Variants in MRPS16 observed in about 807,000 individuals in gnomAD.
The protein encoded by MRPS16 is mitochondrial ribosomal protein S16.
In MRPS16, 5 loss-of-function variants were observed where a neutral mutation model predicts 11.0. The observed-to-expected ratio is 0.46, with a 90% confidence interval of 0.24 to 0.96. The LOEUF (loss-of-function observed/expected upper bound fraction) is 0.96, where lower values mean the gene tolerates loss of function less well. Among genes scored for constraint, MRPS16 ranks in the 40% least tolerant of loss-of-function variants. The pLI is 0.20. For missense variants in MRPS16, 179 were observed against 174.4 expected (o/e 1.03, Z -0.15); for synonymous variants, 76 against 65.0 (o/e 1.17, Z -0.81).
At chr10:73,252,131 T>G in intron 1 of MRPS16, 108 bp from the exon 2 acceptor site, 1 of 1,459,964 alleles carries the variant, frequency 6.8e-7, no homozygotes, top group Non-Finnish European at 9.4e-7. Context: ...TCCAATCCAT[T>G]CCTGTCAATC....
chr10:73,249,394 A>AG lies in MRPS16; in HGVS notation c.*1457_*1458insC. Reference sequence around the variant, plus strand: ...GTTATTCAAATACATTCAAACTATAAAGATCCCTTATAGATTACTGGCATC... The same window carrying AG: ...GTTATTCAAATACATTCAAACTATAAGAGATCCCTTATAGATTACTGGCATC... On this transcript the variant is annotated 3_prime_UTR_variant, in exon 3 of 3. Coordinates refer to ENST00000372945, the MANE Select transcript of MRPS16 (RefSeq NM_016065.4). 8 of 1,403,122 alleles carry AG rather than the reference A, an allele frequency of 5.7e-6. No homozygotes were observed. The highest frequency in any genetic ancestry group is 1.3e-5 in the South Asian group (1 of 78,512). 86.9% of individuals were successfully genotyped at this position (1,403,122 alleles called of 1,614,324 possible).
At chr10:73,252,272 T>C in intron 1 of MRPS16, 198 bp downstream of exon 1, 3 of 1,061,548 alleles carry the variant, frequency 2.8e-6, no homozygotes, top group Non-Finnish European at 4.1e-6. Context: ...GTCGGAGCCT[T>C]AGCTGCTTCA....
At chr10:73,251,114 C>T (rs2044085742) in intron 2 of MRPS16, 123 bp from the exon 3 acceptor site, 2 of 1,152,444 alleles carry the variant, frequency 1.7e-6, no homozygotes, top group African/African-American at 1.5e-5. Flanking sequence ...CCATGCTCCT[C>T]ACTTGCCAAA....
Position 73,248,883 on chromosome 10 carries a change from A to AT in MRPS16, c.*1968dup. The AT allele has an allele frequency of 2.7e-6, 1 of 375,714 alleles. No homozygotes were observed. Among genetic ancestry groups the AT allele is most frequent in the South Asian group, 2.1e-5 (1 of 46,950 alleles). 23.3% of individuals were successfully genotyped at this position (375,714 alleles called of 1,614,324 possible). A position where few individuals can be genotyped will look rare whatever the true frequency, so the allele number is the denominator to read the frequency against. ...GAAATATCCTTTTATTGCAACTCAA[A>AT]TTTTCAAAAACCAGAAAATCAAATT... is the stretch of plus-strand genomic sequence containing the variant. On this transcript the variant is annotated 3_prime_UTR_variant, in exon 3 of 3. Coordinates refer to ENST00000372945, the MANE Select transcript of MRPS16 (RefSeq NM_016065.4).
Position 73,252,583 on chromosome 10 carries a change from G to C in MRPS16, c.-101C>G. ...GAACAAACACAGAAAGAACCTGCAA[G>C]CCGACACCAGGCCGCACCGCCAAGC... On this transcript the variant is annotated 5_prime_UTR_variant, in exon 1 of 3. Coordinates refer to ENST00000372945, the MANE Select transcript of MRPS16 (RefSeq NM_016065.4). 6.6e-7 allele frequency: 1 copy of C among 1,512,630 alleles called. No homozygotes were observed. Among genetic ancestry groups the C allele is most frequent in the Non-Finnish European group, 8.9e-7 (1 of 1,120,290 alleles). 93.7% of individuals were successfully genotyped at this position (1,512,630 alleles called of 1,614,324 possible). A position where few individuals can be genotyped will look rare whatever the true frequency, so the allele number is the denominator to read the frequency against.
At position 73,249,934 on chromosome 10, in the gene MRPS16, C is replaced by CGT. The variant is rs1417293864; in HGVS notation, c.*917_*918insAC. The CGT allele has an allele frequency of 4.0e-4, 60 of 150,592 alleles. No individual in the cohort carries two copies. Among genetic ancestry groups the CGT allele is most frequent in the Non-Finnish European group, 6.6e-4 (44 of 67,076 alleles). The allele number at this position is 150,592 out of a possible 1,614,324, so 9.3% of individuals were successfully genotyped here. A position where few individuals can be genotyped will look rare whatever the true frequency, so the allele number is the denominator to read the frequency against. Reference sequence around the variant, plus strand: ...CTAAAAATACAAAAATTTGCCCGGGCGGTGGCTCACGCCTATAATCCCAGC... The same window carrying CGT: ...CTAAAAATACAAAAATTTGCCCGGGCGTGGTGGCTCACGCCTATAATCCCAGC... On this transcript the variant is annotated 3_prime_UTR_variant, in exon 3 of 3. Transcript: ENST00000372945.
At chr10:73,251,406 C>T (rs2044093236) in intron 2 of MRPS16, among the ~76,000 whole-genome samples, 2 of 151,914 alleles carry the variant, frequency 1.3e-5, no homozygotes, top group African/African-American at 2.4e-5. Flanking sequence ...GATGGAATCG[C>T]CCTCTGTTGC....
intron 2 of MRPS16, 152 bp from the exon 3 acceptor site, chr10:73,251,143 C>T (rs543977804): frequency 6.8e-6 from 6 of 876,432 alleles, no homozygotes; most frequent in Middle Eastern, 2.2e-4. Flanking sequence ...TACTTCTCCC[C>T]GGCAAGGAGA....
rs1255436891 is a variant in MRPS16, at chr10:73,249,084, A to G, written c.*1768T>C. On this transcript the variant is annotated 3_prime_UTR_variant, in exon 3 of 3. Coordinates refer to ENST00000372945, the MANE Select transcript of MRPS16 (RefSeq NM_016065.4). ...TGGGTGAGCAACACCACAGCCAGCT[A>G]ATTTTTTAAGTTTTTGTAGAGACGG... The G allele has an allele frequency of 1.7e-6, 1 of 601,626 alleles. No individual in the cohort carries two copies. The highest frequency in any genetic ancestry group is 3.0e-6 in the Non-Finnish European group (1 of 328,696). 37.3% of individuals were successfully genotyped at this position (601,626 alleles called of 1,614,324 possible).
chr10:73,252,425 G>C, intron 1 of MRPS16, 45 bp downstream of exon 1: 3 of 1,608,554 alleles, frequency 1.9e-6, no homozygotes, highest in Non-Finnish European at 2.5e-6. Flanking sequence ...GAACTCCCGA[G>C]CCCCGTGACC....
In MRPS16 at chr10:73,249,440, C is replaced by T; in HGVS notation, c.*1412G>A. On this transcript the variant is annotated 3_prime_UTR_variant, in exon 3 of 3. Transcript: ENST00000372945. ...GCATCAAGGTAGGAAGGAAAAGATA[C>T]AAGAAGTAAAATGCAACACTCATTA... 1.0e-6 allele frequency: 1 copy of T among 1,003,686 alleles called. No individual in the cohort carries two copies. The highest frequency in any genetic ancestry group is 2.7e-5 in the East Asian group (1 of 37,554). The allele number at this position is 1,003,686 out of a possible 1,614,324, so 62.2% of individuals were successfully genotyped here. A position where few individuals can be genotyped will look rare whatever the true frequency, so the allele number is the denominator to read the frequency against.
At chr10:73,252,441 G>A (rs1178811567) in intron 1 of MRPS16, 29 bp downstream of exon 1, 1 of 1,609,200 alleles carries the variant, frequency 6.2e-7, no homozygotes, top group Admixed American at 1.7e-5. Context: ...TGACCGCCCG[G>A]AACGTCTCGC....
rs1015727218 is a variant in MRPS16 at position 73,249,027 on chromosome 10, T to C, written c.*1825A>G. The C allele has an allele frequency of 1.7e-6, 1 of 593,492 alleles. No homozygotes were observed. The highest frequency in any genetic ancestry group is 3.2e-6 in the Non-Finnish European group (1 of 312,394). 36.8% of individuals were successfully genotyped at this position (593,492 alleles called of 1,614,324 possible). On this transcript the variant is annotated 3_prime_UTR_variant, in exon 3 of 3. Coordinates refer to ENST00000372945, the MANE Select transcript of MRPS16 (RefSeq NM_016065.4). ...TCGGCCTCCTGGGCTCAAGTGATCT[T>C]ACTGCCTCAGCTTCCCGAGTAGCTG...
At position 73,248,884 on chromosome 10, in the gene MRPS16, T is replaced by C. The variant is rs1362296402; in HGVS notation, c.*1968A>G. 2.7e-6 allele frequency: 1 copy of C among 376,296 alleles called. No individual in the cohort carries two copies. Among genetic ancestry groups the C allele is most frequent in the African/African-American group, 2.1e-5 (1 of 47,048 alleles). The allele number at this position is 376,296 out of a possible 1,614,324, so 23.3% of individuals were successfully genotyped here. Reference sequence around the variant, plus strand: ...AAATATCCTTTTATTGCAACTCAAATTTTCAAAAACCAGAAAATCAAATTA... The same window carrying C: ...AAATATCCTTTTATTGCAACTCAAACTTTCAAAAACCAGAAAATCAAATTA... On this transcript the variant is annotated 3_prime_UTR_variant, in exon 3 of 3. Coordinates refer to ENST00000372945, the MANE Select transcript of MRPS16 (RefSeq NM_016065.4).
At chr10:73,252,246 T>A in intron 1 of MRPS16, 2 of 1,005,018 alleles carry the variant, frequency 2.0e-6, no homozygotes. Context: ...TGCCATTCAC[T>A]AGGCTCTGTG....
In MRPS16 at chr10:73,251,997, CA is replaced by C. The variant is rs770012862; in HGVS notation, c.39del (p.Gly15AlafsTer3). The C allele has an allele frequency of 1.2e-6, 2 of 1,613,942 alleles. No homozygotes were observed. The highest frequency in any genetic ancestry group is 2.7e-5 in the African/African-American group (2 of 74,926). ...GCAAGGCGGATGGTTAAGTGGCCCC[CA>C]CGGTAGGCCTTGCAGAGGAGAGTAG... ...HLTTLLCKAY[R>X]GGHLTIRLAL... On this transcript the variant is annotated frameshift_variant, in exon 2 of 3. Transcript: ENST00000372945. LOFTEE classifies it high-confidence loss of function.
Position 73,252,026 on chromosome 10 carries a change from G to A in MRPS16, c.14-3C>T, listed in dbSNP as rs201540616. ...GTAGGCCTTGCAGAGGAGAGTAGCT[G>A]TAGAAAAGCAGCTGGTTAGGACACA... On this transcript the variant is annotated splice_region_variant and splice_polypyrimidine_tract_variant and intron_variant, in intron 1 of 2. Transcript: ENST00000372945. 734 of 1,612,736 alleles carry A rather than the reference G, an allele frequency of 4.6e-4. 10 individuals carry two copies. The South Asian group carries it at 7.0e-3, about 15-fold the overall frequency.
chr10:73,248,851 GCA>G lies in MRPS16; in HGVS notation c.*1999_*2000del. 3.1e-6 allele frequency: 1 copy of G among 317,960 alleles called. No individual in the cohort carries two copies. The highest frequency in any genetic ancestry group is 2.8e-5 in the South Asian group (1 of 35,732). 19.7% of individuals were successfully genotyped at this position (317,960 alleles called of 1,614,324 possible). A position where few individuals can be genotyped will look rare whatever the true frequency, so the allele number is the denominator to read the frequency against. The stretch of plus-strand genomic sequence containing the variant: ...ACATTTGCTACGGAAAATTGAAATC[GCA>G]CACTGAAATATCCTTTTATTGCAAC... On this transcript the variant is annotated 3_prime_UTR_variant, in exon 3 of 3. Coordinates refer to ENST00000372945, the MANE Select transcript of MRPS16 (RefSeq NM_016065.4).
chr10:73,251,302 G>C (rs2044090083), intron 2 of MRPS16, among the ~76,000 whole-genome samples: 1 of 152,144 alleles, frequency 6.6e-6, no homozygotes, highest in Admixed American at 6.5e-5. Flanking sequence ...GGGGCCTCCA[G>C]ATTCAAAATG....
Sources: gnomAD v4.1 joint callset for allele counts (sites outside exome capture counted in the v4.1 genomes callset) on GRCh38, gnomAD v4.1.1 for gene constraint, MANE v1.5 for transcripts, NCBI Gene and HGNC (gene_info 2026-07-23, HGNC 2026-07-21) for gene names.